LRRC36: variants seen among roughly 807,000 people sequenced by gnomAD.
LRRC36 encodes the protein leucine rich repeat containing 36.
In LRRC36, 62 loss-of-function variants were observed where a neutral mutation model predicts 81.1. The ratio of observed to expected loss-of-function variants is 0.76; its 90% CI spans 0.62 to 0.94. LRRC36 has a LOEUF of 0.94. Ranked by LOEUF, LRRC36 falls within the 40% of genes least tolerant of loss-of-function variation. The pLI, the probability that LRRC36 is intolerant of heterozygous loss-of-function variation, is 0.00. For synonymous variants in LRRC36, 334 were observed against 348.6 expected (o/e 0.96, Z 0.47); for missense variants, 761 against 881.7 (o/e 0.86, Z 1.73).
In LRRC36 at chr16:67,341,956, G is replaced by T; in HGVS notation, c.71-1G>T. On this transcript the variant is annotated splice_acceptor_variant, in intron 1 of 13. Transcript: ENST00000329956. LOFTEE classifies it high-confidence loss of function. ...TATATCTACTGATGATCTCTTTTCAGAACTGGTGGAGTCTCTTTCATTGCA... is the reference window on the plus strand; with the variant it reads ...TATATCTACTGATGATCTCTTTTCATAACTGGTGGAGTCTCTTTCATTGCA... 6.2e-7 allele frequency: 1 copy of T among 1,607,630 alleles called. No homozygotes were observed.
intron 4 of LRRC36, 83 bp downstream of exon 4, chr16:67,347,674 C>A: frequency 1.0e-6 from 1 of 973,708 alleles, no homozygotes; most frequent in Non-Finnish European, 1.5e-6. Context: ...TCTTCATTTT[C>A]CAGCAGAAAT....
At chr16:67,379,536 G>A (rs1326225319) in intron 12 of LRRC36, among the ~76,000 whole-genome samples, 2 of 152,154 alleles carry the variant, frequency 1.3e-5, no homozygotes, top group African/African-American at 4.8e-5. Flanking sequence ...GGCCAACATG[G>A]TGAAACCCTG....
chr16:67,381,744 G>A (rs2040119033), intron 12 of LRRC36, among the ~76,000 whole-genome samples: 1 of 151,944 alleles, frequency 6.6e-6, no homozygotes, highest in Non-Finnish European at 1.5e-5. Flanking sequence ...TCAGCCTCTC[G>A]AGCAGCTGGA....
intron 1 of LRRC36, among the ~76,000 whole-genome samples, chr16:67,333,533 A>G (rs893870526): frequency 2.6e-5 from 4 of 152,124 alleles, no homozygotes; most frequent in Admixed American, 6.6e-5. Context: ...TCATCAACCC[A>G]TTAGGCAGTC....
chr16:67,351,637 G>A (rs1235978120), intron 5 of LRRC36, among the ~76,000 whole-genome samples: 1 of 152,176 alleles, frequency 6.6e-6, no homozygotes, highest in Non-Finnish European at 1.5e-5. Context: ...AACCCGGGAA[G>A]CGGAGGTTGC....
chr16:67,361,413 C>A (rs2142081357), intron 5 of LRRC36, among the ~76,000 whole-genome samples: 1 of 152,114 alleles, frequency 6.6e-6, no homozygotes, highest in South Asian at 2.1e-4. Context: ...GTTATTTTTA[C>A]TTTTTATTTT....
Position 67,370,524 on chromosome 16 carries a change from TC to T in LRRC36, c.1196-419del, listed in dbSNP as rs559215497. ...GGGCATGGTGGGTAGACCCAGCTAC[TC>T]GGGAGGCTGGGGCAGGAGAATATCT... On this transcript the variant is annotated intron_variant, in intron 8 of 13. Transcript: ENST00000329956. 2.3e-4 allele frequency among the ~76,000 whole-genome samples: 34 copies of T among 150,896 alleles called. No individual in the cohort carries two copies. The South Asian group carries it at 6.9e-3, about 31-fold the overall frequency.
chr16:67,373,155 T>C (rs2039727889), intron 9 of LRRC36, among the ~76,000 whole-genome samples: 1 of 151,762 alleles, frequency 6.6e-6, no homozygotes. Flanking sequence ...GAGTTTAAGA[T>C]CATCCTGGGC....
Position 67,367,363 on chromosome 16 carries a change from CAT to C in LRRC36, c.1103_1104del (p.Ile368LysfsTer19). The stretch of plus-strand genomic sequence containing the variant: ...AGTATAGCATAAAGCCTTCAAATGA[CAT>C]AAAGACCACCGCTTCACATTCCTGT... ...QEYSIKPSND[I>X]KTTASHSCGD... On this transcript the variant is annotated frameshift_variant, in exon 8 of 14. Coordinates refer to ENST00000329956, the MANE Select transcript of LRRC36 (RefSeq NM_018296.6). LOFTEE classifies it high-confidence loss of function. 1 of 1,614,084 alleles carries C rather than the reference CAT, an allele frequency of 6.2e-7. No homozygotes were observed. Among genetic ancestry groups the C allele is most frequent in the Non-Finnish European group, 8.5e-7 (1 of 1,179,978 alleles).
chr16:67,376,996 A>C (rs769453410), intron 11 of LRRC36, 124 bp downstream of exon 11: 16 of 1,054,336 alleles, frequency 1.5e-5, no homozygotes, highest in Non-Finnish European at 2.1e-5. Context: ...GCACAGCAGG[A>C]ATACAAAACT....
chr16:67,364,753 A>C (rs936753200), intron 6 of LRRC36, among the ~76,000 whole-genome samples: 6 of 152,216 alleles, frequency 3.9e-5, no homozygotes, highest in African/African-American at 1.4e-4. Flanking sequence ...AGGAAATTGA[A>C]TAGTTTGCTG....
At chr16:67,342,260 G>A (rs1199439286) in intron 2 of LRRC36, among the ~76,000 whole-genome samples, 176 bp downstream of exon 2, 2 of 151,874 alleles carry the variant, frequency 1.3e-5, no homozygotes, top group Admixed American at 6.6e-5. Context: ...ATTTTAAATT[G>A]TTATAAAATA....
At chr16:67,376,919 TACA>T (rs1348478218) in intron 11 of LRRC36, 47 bp downstream of exon 11, 6 of 1,558,010 alleles carry the variant, frequency 3.9e-6, no homozygotes, top group Non-Finnish European at 4.4e-6. Flanking sequence ...GCAGCAGAAC[TACA>T]ACATCTCTGC....
intron 5 of LRRC36, among the ~76,000 whole-genome samples, chr16:67,360,182 T>G (rs957758000): frequency 6.6e-6 from 1 of 151,404 alleles, no homozygotes; most frequent in Non-Finnish European, 1.5e-5. Context: ...CAGGTACTCA[T>G]TGGGGGCTGT....
chr16:67,367,622 A>C (rs1413375535), intron 8 of LRRC36, among the ~76,000 whole-genome samples, 165 bp downstream of exon 8: 1 of 152,182 alleles, frequency 6.6e-6, no homozygotes, highest in Non-Finnish European at 1.5e-5. Context: ...GTAGGGTATG[A>C]GTTTAACATG....
At chr16:67,383,647 T>C (rs2040192609) in intron 13 of LRRC36, among the ~76,000 whole-genome samples, 1 of 152,272 alleles carries the variant, frequency 6.6e-6, no homozygotes, top group Non-Finnish European at 1.5e-5. Flanking sequence ...ATAATCCTTC[T>C]GAAACCATAC....
rs537581201 is a variant in LRRC36 at position 67,336,120 on chromosome 16, A to G, written c.71-5837A>G. On this transcript the variant is annotated intron_variant, in intron 1 of 13. Coordinates refer to ENST00000329956, the MANE Select transcript of LRRC36 (RefSeq NM_018296.6). ...GTAACCTTTCAAACTGATTTCTCTC[A>G]CTTAGCAATATGTATTTAAGGCTCC... Among the ~76,000 whole-genome samples, 25 of 152,310 alleles carry G rather than the reference A, an allele frequency of 1.6e-4. No individual in the cohort carries two copies. In the South Asian group the frequency reaches 2.5e-3, roughly 15 times the overall value.
chr16:67,377,456 C>T (rs2039944611), intron 11 of LRRC36, among the ~76,000 whole-genome samples: 1 of 152,112 alleles, frequency 6.6e-6, no homozygotes. Context: ...CTCAGCCTCC[C>T]AAGTAGCTGG....
In LRRC36 at chr16:67,342,044, G is replaced by A. The variant is rs763165561; in HGVS notation, c.158G>A (p.Arg53Gln). Residue 53 changes from arginine (R) to glutamine (Q), a missense_variant, in exon 2 of 14, where the codon CGA becomes CAA. Physicochemically the swap from Arg to Gln is conservative, Grantham distance 43. This residue lies in a region of LRRC36 where 263 missense variants were observed against 279.3 expected (regional missense o/e 0.94). Transcript: ENST00000329956. ...GCCTTCAGAAATTTTAAAAATCTCC[G>A]ATCCTTAGATTTATCAAGGAATTTG... ...GDAFRNFKNL[R>Q]SLDLSRNLIT... The A allele has an allele frequency of 5.3e-5, 85 of 1,610,086 alleles. No homozygotes were observed. Among genetic ancestry groups the A allele is most frequent in the African/African-American group, 6.7e-5 (5 of 74,768 alleles).
Sources: allele counts gnomAD v4.1 joint callset (sites outside exome capture counted in the v4.1 genomes callset), GRCh38; gene constraint gnomAD v4.1.1; regional missense constraint gnomAD v4.1.1; transcripts MANE v1.5; gene names NCBI Gene and HGNC (gene_info 2026-07-23, HGNC 2026-07-21).